FAM234A: variants seen among roughly 807,000 people sequenced by gnomAD.
FAM234A encodes the protein family with sequence similarity 234 member A, also known as protein FAM234A.
A neutral mutation model predicts 49.1 loss-of-function variants in FAM234A; 42 were observed. That is an observed-to-expected ratio of 0.86 (90% CI 0.67 to 1.11). FAM234A has a LOEUF of 1.11. Ranked by LOEUF, FAM234A falls within the 50% of genes least tolerant of loss-of-function variation. FAM234A has a pLI of 0.00. For synonymous variants in FAM234A, 369 were observed against 316.2 expected, an observed-to-expected ratio of 1.17 and a Z score of -1.77; for missense variants, 815 against 745.2, an observed-to-expected ratio of 1.09 and a Z score of -1.09.
intron 1 of FAM234A, among the ~76,000 whole-genome samples, chr16:244,682 C>CTTTT (rs59549388): frequency 4.0e-4 from 35 of 86,760 alleles, no homozygotes; most frequent in African/African-American, 9.9e-4. Flanking sequence ...ATGGTAACCT[C>CTTTT]TTTTTTTTTT....
chr16:244,713 A>T (rs1190686368), intron 1 of FAM234A, among the ~76,000 whole-genome samples: 4 of 84,768 alleles, frequency 4.7e-5, no homozygotes, highest in East Asian at 3.0e-4. Context: ...TTTGAGACGG[A>T]ATTTTGCTTT....
intron 4 of FAM234A, 116 bp from the exon 5 acceptor site, chr16:259,853 G>A: frequency 1.1e-6 from 1 of 931,476 alleles, no homozygotes; most frequent in Non-Finnish European, 1.6e-6. Flanking sequence ...CTGGCGGGAG[G>A]GGCTGTGGCC....
downstream of FAM234A, chr16:269,521 G>A (rs373644398): frequency 6.1e-4 from 991 of 1,613,236 alleles, 8 homozygotes; most frequent in South Asian, 8.8e-3. Flanking sequence ...CATCTCCAGC[G>A]GGATCCCAGC....
chr16:269,174 G>A (rs1195319646), downstream of FAM234A: 2 of 1,038,336 alleles, frequency 1.9e-6, no homozygotes, highest in African/African-American at 1.6e-5. Flanking sequence ...GCTGGGTTCA[G>A]CAGCCCCCAG....
chr16:238,315 G>A (rs1056344381), intron 1 of FAM234A, among the ~76,000 whole-genome samples: 15 of 152,062 alleles, frequency 9.9e-5, no homozygotes, highest in African/African-American at 3.1e-4. Flanking sequence ...CACCGCCCCC[G>A]CCCCTGTCCG....
rs2051023990 is a variant in FAM234A, at chr16:251,782, T to C, written c.-34+2128T>C. On this transcript the variant is annotated intron_variant, in intron 2 of 12. Coordinates refer to ENST00000399932, the MANE Select transcript of FAM234A (RefSeq NM_032039.4). ...AGTTTGGGAGGCCAGTGCGGGTGGA[T>C]CACGAGGTCAGGAGATCGAGACCAT... is the stretch of plus-strand genomic sequence containing the variant. Among the ~76,000 whole-genome samples, 4 of 142,772 alleles carry C rather than the reference T, an allele frequency of 2.8e-5. No homozygotes were observed. The South Asian group carries it at 9.2e-4, about 33-fold the overall frequency. 93.7% of individuals were successfully genotyped at this position (142,772 alleles called of 152,430 possible).
intron 2 of FAM234A, among the ~76,000 whole-genome samples, chr16:252,514 A>T (rs1280765864): frequency 6.6e-6 from 1 of 152,004 alleles, no homozygotes; most frequent in Non-Finnish European, 1.5e-5. Flanking sequence ...GTGGGTGTAC[A>T]CCTAGGACTG....
At chr16:268,153 C>CTT (rs1006689127), downstream of FAM234A, 5 of 135,134 alleles carry the variant, frequency 3.7e-5, no homozygotes, top group African/African-American at 2.1e-4. Flanking sequence ...CATATGCATG[C>CTT]CTCAGTACAC....
At chr16:242,598 C>G (rs1596750992) in intron 1 of FAM234A, among the ~76,000 whole-genome samples, 1 of 148,376 alleles carries the variant, frequency 6.7e-6, no homozygotes, top group East Asian at 2.0e-4. Flanking sequence ...TCAAGTTATT[C>G]TTGGTGTCAG....
chr16:263,290 G>A lies in FAM234A; in HGVS notation c.1000G>A (p.Val334Ile), dbSNP rs778805979. 1 of 1,613,084 alleles carries A rather than the reference G, an allele frequency of 6.2e-7. No homozygotes were observed. The highest frequency in any genetic ancestry group is 2.2e-5 in the East Asian group (1 of 44,880). ...TGGAGCAGTGCGCTACCTGATGCATGTCCCAGGGAACGCCGGTGCAGATGT... is the reference window on the plus strand; with the variant it reads ...TGGAGCAGTGCGCTACCTGATGCATATCCCAGGGAACGCCGGTGCAGATGT... ...SSGAVRYLMH[V>I]PGNAGADVLL... Residue 334 changes from valine (V) to isoleucine (I), a missense_variant, in exon 9 of 13, where the codon GTC (valine) becomes ATC (isoleucine). Val to Ile is a conservative substitution (Grantham distance 29, BLOSUM62 3). Transcript: ENST00000399932.
intron 3 of FAM234A, 143 bp from the exon 4 acceptor site, chr16:259,340 T>C: frequency 4.6e-6 from 3 of 654,164 alleles, no homozygotes; most frequent in Non-Finnish European, 8.3e-6. Context: ...TTACTCATCC[T>C]AGTGAGGAAG....
chr16:245,597 G>A lies in FAM234A; in HGVS notation c.-139-3952G>A, dbSNP rs536588738. ...AACAACAATCTTTTGGCTTCCCTGG[G>A]CCACGTTGGAAGAATTGTCTTGGGC... On this transcript the variant is annotated intron_variant, in intron 1 of 12. Coordinates refer to ENST00000399932, the MANE Select transcript of FAM234A (RefSeq NM_032039.4). Among the ~76,000 whole-genome samples, 96 of 152,116 alleles carry A rather than the reference G, an allele frequency of 6.3e-4. No individual in the cohort carries two copies. In the South Asian group the frequency reaches 0.017, roughly 27 times the overall value.
downstream of FAM234A, chr16:269,697 C>T (rs565855704): frequency 5.2e-4 from 448 of 861,690 alleles, 2 homozygotes; most frequent in African/African-American, 6.6e-3. Flanking sequence ...ACAGAGTCTC[C>T]GGCGGACAGG....
downstream of FAM234A, chr16:269,367 A>G: frequency 6.2e-7 from 1 of 1,603,294 alleles, no homozygotes; most frequent in Non-Finnish European, 8.5e-7. Flanking sequence ...CGTGGCCTCC[A>G]CGTAAACGGG....
chr16:257,554 T>A (rs2051285713), intron 3 of FAM234A, among the ~76,000 whole-genome samples: 1 of 152,080 alleles, frequency 6.6e-6, no homozygotes, highest in Non-Finnish European at 1.5e-5. Context: ...CCTCCTGTGC[T>A]TTTGTATCAA....
intron 1 of FAM234A, chr16:240,381 A>C (rs2050568543): frequency 6.6e-6 from 1 of 152,178 alleles, no homozygotes; most frequent in Non-Finnish European, 1.5e-5. Context: ...GCCAGGTAAG[A>C]GAAGTATGAT....
At position 265,462 on chromosome 16, in the gene FAM234A, C is replaced by T. The variant is rs2051662146; in HGVS notation, c.*440C>T. The T allele has an allele frequency of 1.0e-6, 1 of 997,884 alleles. No individual in the cohort carries two copies. The highest frequency in any genetic ancestry group is 1.2e-6 in the Non-Finnish European group (1 of 838,278). 61.8% of individuals were successfully genotyped at this position (997,884 alleles called of 1,614,324 possible). ...GGGACAGGCCGTCCCCCACCCCATCCTGTAGAAGTCCATTCCCCTTTTCCC... is the reference window on the plus strand; with the variant it reads ...GGGACAGGCCGTCCCCCACCCCATCTTGTAGAAGTCCATTCCCCTTTTCCC... On this transcript the variant is annotated 3_prime_UTR_variant, in exon 13 of 13. Transcript: ENST00000399932.
chr16:244,093 T>G (rs186644488), intron 1 of FAM234A, among the ~76,000 whole-genome samples: 3 of 151,780 alleles, frequency 2.0e-5, no homozygotes, highest in African/African-American at 4.8e-5. Flanking sequence ...CTCAGCCTCC[T>G]GAGTAGCTGG....
intron 1 of FAM234A, among the ~76,000 whole-genome samples, chr16:242,865 G>T (rs2050669904): frequency 6.6e-6 from 1 of 152,024 alleles, no homozygotes; most frequent in African/African-American, 2.4e-5. Flanking sequence ...ACCCACCTCA[G>T]CCTCCCAAAG....
Sources: gnomAD v4.1 joint callset for allele counts (sites outside exome capture counted in the v4.1 genomes callset) on GRCh38, gnomAD v4.1.1 for gene constraint, MANE v1.5 for transcripts, NCBI Gene and HGNC (gene_info 2026-07-23, HGNC 2026-07-21) for gene names.